GPR158: variants seen among roughly 807,000 people sequenced by gnomAD.
GPR158 encodes the protein metabotropic glycine receptor.
GPR158 carries 30 observed loss-of-function variants against 78.2 expected under a neutral mutation model. The ratio of observed to expected loss-of-function variants is 0.38; its 90% CI spans 0.29 to 0.52. GPR158 has a LOEUF of 0.52. Ranked by LOEUF, GPR158 falls within the 20% of genes least tolerant of loss-of-function variation. The pLI is 0.83. For synonymous variants in GPR158, 581 were observed against 591.1 expected, an observed-to-expected ratio of 0.98 and a Z score of 0.25; for missense variants, 1,463 against 1,523.5, an observed-to-expected ratio of 0.96 and a Z score of 0.66.
chr10:25,512,265 A>G (rs1306198559), intron 5 of GPR158, among the ~76,000 whole-genome samples: 1 of 151,986 alleles, frequency 6.6e-6, no homozygotes, highest in Non-Finnish European at 1.5e-5. Context: ...GGTTAGGTAT[A>G]TTCCTAGGTA....
intron 4 of GPR158, among the ~76,000 whole-genome samples, chr10:25,451,660 T>C (rs1835218250): frequency 6.6e-6 from 1 of 152,226 alleles, no homozygotes; most frequent in Admixed American, 6.5e-5. Context: ...TCCGTTTCTT[T>C]GGCCATATAT....
At position 25,412,477 on chromosome 10, in the gene GPR158, A is replaced by G; in HGVS notation, c.1335+4A>G. The stretch of plus-strand genomic sequence containing the variant: ...CTACCACTTTCGCAAAGCAAAGGTA[A>G]ACCCAGGAACCCTGGTTATGATCCT... On this transcript the variant is annotated splice_donor_region_variant and intron_variant, in intron 4 of 10. Transcript: ENST00000376351. 1.9e-6 allele frequency: 3 copies of G among 1,596,014 alleles called. No individual in the cohort carries two copies. The highest frequency in any genetic ancestry group is 2.6e-6 in the Non-Finnish European group (3 of 1,163,822).
At chr10:25,278,083 A>C (rs1036241740) in intron 2 of GPR158, among the ~76,000 whole-genome samples, 1 of 152,188 alleles carries the variant, frequency 6.6e-6, no homozygotes, top group African/African-American at 2.4e-5. Context: ...TATGTGATGA[A>C]AAATAATGAC....
At chr10:25,444,464 G>A (rs1486263096) in intron 4 of GPR158, among the ~76,000 whole-genome samples, 4 of 151,614 alleles carry the variant, frequency 2.6e-5, no homozygotes, top group Admixed American at 1.3e-4. Flanking sequence ...GTATGTGGGT[G>A]TGTGTGGAGG....
intron 5 of GPR158, among the ~76,000 whole-genome samples, chr10:25,473,697 C>G (rs185030272): frequency 1.3e-5 from 2 of 152,054 alleles, no homozygotes; most frequent in African/African-American, 4.8e-5. Context: ...GTGTATGTGT[C>G]GAGGAATTTA....
At chr10:25,423,855 G>A (rs1211593839) in intron 4 of GPR158, among the ~76,000 whole-genome samples, 7 of 152,188 alleles carry the variant, frequency 4.6e-5, no homozygotes, top group Non-Finnish European at 8.8e-5. Flanking sequence ...ACGTGTGCAT[G>A]TGTCTTTATA....
chr10:25,571,579 A>G (rs536909191), intron 6 of GPR158, among the ~76,000 whole-genome samples: 32 of 152,248 alleles, frequency 2.1e-4, no homozygotes, highest in African/African-American at 7.2e-4. Context: ...ATACTCTCAC[A>G]GTATCATAAA....
chr10:25,522,507 A>G (rs1227414552), intron 5 of GPR158, among the ~76,000 whole-genome samples: 3 of 152,146 alleles, frequency 2.0e-5, no homozygotes, highest in Non-Finnish European at 4.4e-5. Context: ...AATGAGATAT[A>G]GATGTTGGGG....
intron 2 of GPR158, among the ~76,000 whole-genome samples, chr10:25,340,956 A>AT (rs570429347): frequency 0.017 from 2,610 of 151,754 alleles, 35 homozygotes; most frequent in Non-Finnish European, 0.025. Context: ...ACCAAATACA[A>AT]TTTTTTTTTA....
intron 2 of GPR158, among the ~76,000 whole-genome samples, chr10:25,289,052 G>C (rs1181049617): frequency 6.6e-6 from 1 of 152,190 alleles, no homozygotes; most frequent in African/African-American, 2.4e-5. Context: ...CATGTTTTGT[G>C]ACTTACAAGC....
In GPR158 at chr10:25,308,342, C is replaced by T. The variant is rs144018309; in HGVS notation, c.1008+87185C>T. On this transcript the variant is annotated intron_variant, in intron 2 of 10. Transcript: ENST00000376351. ...ACAGGCCCCAGTGTGTCTTGTTCCC[C>T]TCCCTGTGTCCATGTGTTCTCATTG... 1.3e-4 allele frequency among the ~76,000 whole-genome samples: 20 copies of T among 152,182 alleles called. No homozygotes were observed. The East Asian group carries it at 3.7e-3, about 28-fold the overall frequency.
At chr10:25,292,186 G>A (rs974793987) in intron 2 of GPR158, among the ~76,000 whole-genome samples, 21 of 152,080 alleles carry the variant, frequency 1.4e-4, no homozygotes, top group African/African-American at 4.8e-4. Context: ...GACAGTGGTG[G>A]GGGTGGGGGG....
chr10:25,201,683 A>T (rs1439286336), intron 1 of GPR158, among the ~76,000 whole-genome samples: 1 of 152,032 alleles, frequency 6.6e-6, no homozygotes, highest in Non-Finnish European at 1.5e-5. Flanking sequence ...GAGGGTTTTT[A>T]ACAAAGGAAT....
intron 4 of GPR158, among the ~76,000 whole-genome samples, chr10:25,435,855 A>G (rs899383907): frequency 4.6e-5 from 7 of 152,192 alleles, no homozygotes; most frequent in African/African-American, 1.4e-4. Flanking sequence ...TAGTCGTGGT[A>G]GTGCAGATGG....
chr10:25,291,894 G>A (rs914577674), intron 2 of GPR158, among the ~76,000 whole-genome samples: 2 of 151,938 alleles, frequency 1.3e-5, no homozygotes, highest in Non-Finnish European at 2.9e-5. Flanking sequence ...TTCCATTATC[G>A]ATCCTTACAA....
At chr10:25,355,260 T>G (rs571972783) in intron 2 of GPR158, among the ~76,000 whole-genome samples, 115 of 152,178 alleles carry the variant, frequency 7.6e-4, no homozygotes, top group Non-Finnish European at 1.4e-3. Flanking sequence ...ACAGCCTGTC[T>G]TTGAGCTTGC....
intron 2 of GPR158, among the ~76,000 whole-genome samples, chr10:25,333,248 G>A (rs1855153441): frequency 6.6e-6 from 1 of 152,128 alleles, no homozygotes; most frequent in South Asian, 2.1e-4. Flanking sequence ...AGTAAACACT[G>A]CAGGCAAGCA....
intron 5 of GPR158, among the ~76,000 whole-genome samples, chr10:25,490,314 TAA>T (rs1455762740): frequency 1.3e-5 from 2 of 151,344 alleles, no homozygotes; most frequent in African/African-American, 2.4e-5. Context: ...AATTATACTT[TAA>T]GTTTTAGGGT....
chr10:25,406,727 C>T (rs777202616), intron 3 of GPR158, among the ~76,000 whole-genome samples: 2 of 152,054 alleles, frequency 1.3e-5, no homozygotes, highest in Non-Finnish European at 2.9e-5. Flanking sequence ...AATTTCCTTT[C>T]TTTACAGCTG....
Sources: gnomAD v4.1 joint callset for allele counts (sites outside exome capture counted in the v4.1 genomes callset) on GRCh38, gnomAD v4.1.1 for gene constraint, MANE v1.5 for transcripts, NCBI Gene and HGNC (gene_info 2026-07-23, HGNC 2026-07-21) for gene names.